The following LAMA2 variants were observed in gnomAD, a reference collection of about 807,000 sequenced individuals.
LAMA2 encodes laminin subunit alpha-2.
Under a neutral mutation model 364.8 loss-of-function variants are expected in LAMA2, and 269 were observed. The ratio of observed to expected loss-of-function variants is 0.74; its 90% CI spans 0.67 to 0.82. The LOEUF (loss-of-function observed/expected upper bound fraction) is 0.82. Among genes scored for constraint, LAMA2 ranks in the 40% least tolerant of loss-of-function variants. The pLI is 0.00. For synonymous variants in LAMA2, 1,379 were observed against 1,370.6 expected, an observed-to-expected ratio of 1.01 and a Z score of -0.14; for missense variants, 3,807 against 3,873.2, an observed-to-expected ratio of 0.98 and a Z score of 0.45.
At chr6:129,314,936 A>G (rs1774484617) in intron 24 of LAMA2, 138 bp downstream of exon 24, 2 of 843,212 alleles carry the variant, frequency 2.4e-6, no homozygotes, top group Non-Finnish European at 4.0e-6. Flanking sequence ...AGGAACAGCA[A>G]AGGGGTCACG....
At chr6:128,909,259 G>T (rs1282677592) in intron 1 of LAMA2, among the ~76,000 whole-genome samples, 5 of 152,098 alleles carry the variant, frequency 3.3e-5, no homozygotes, top group Non-Finnish European at 5.9e-5. Flanking sequence ...CATTATTAAT[G>T]TGTGGGAGTC....
chr6:129,091,362 T>C (rs924347927), intron 3 of LAMA2, among the ~76,000 whole-genome samples: 5 of 152,190 alleles, frequency 3.3e-5, no homozygotes, highest in African/African-American at 9.7e-5. Flanking sequence ...AATTCTGAGG[T>C]GGTGGAATAA....
intron 9 of LAMA2, among the ~76,000 whole-genome samples, chr6:129,172,926 C>A (rs1194987909): frequency 1.3e-5 from 2 of 152,188 alleles, no homozygotes; most frequent in East Asian, 1.9e-4. Context: ...GTGGGAGTGA[C>A]CCGATTTTCC....
Position 129,119,135 on chromosome 6 carries a change from A to G in LAMA2, c.639+20720A>G, listed in dbSNP as rs1206413245. On this transcript the variant is annotated intron_variant, in intron 4 of 64. Transcript: ENST00000421865. ...CTCCTAGATTTCATTTTTTATGCAT[A>G]AGTGAAGACATATCAATAAAATGTG... Among the ~76,000 whole-genome samples, 3 of 152,212 alleles carry G rather than the reference A, an allele frequency of 2.0e-5. No individual in the cohort carries two copies. In the East Asian group the frequency reaches 5.8e-4, roughly 29 times the overall value.
At chr6:129,256,218 T>C (rs1201449451) in intron 14 of LAMA2, among the ~76,000 whole-genome samples, 2 of 152,222 alleles carry the variant, frequency 1.3e-5, no homozygotes, top group African/African-American at 4.8e-5. Context: ...GAATCTATGC[T>C]GCACCCTTTG....
chr6:129,045,783 A>G (rs1303228361), intron 1 of LAMA2, among the ~76,000 whole-genome samples: 1 of 152,184 alleles, frequency 6.6e-6, no homozygotes, highest in Non-Finnish European at 1.5e-5. Context: ...TCCTCCCATG[A>G]TTGCTGAGGC....
At chr6:129,365,323 A>G (rs1777700658) in intron 32 of LAMA2, among the ~76,000 whole-genome samples, 1 of 152,190 alleles carries the variant, frequency 6.6e-6, no homozygotes, top group Admixed American at 6.5e-5. Flanking sequence ...TATTATCATA[A>G]GAAAACACTA....
At chr6:129,482,799 G>A (rs188429776) in intron 55 of LAMA2, among the ~76,000 whole-genome samples, 21 of 152,224 alleles carry the variant, frequency 1.4e-4, no homozygotes, top group Non-Finnish European at 2.8e-4. Flanking sequence ...AGTGGCTCAC[G>A]CCTGTAATCC....
At chr6:129,278,030 C>A (rs1165940484) in intron 17 of LAMA2, among the ~76,000 whole-genome samples, 2 of 151,922 alleles carry the variant, frequency 1.3e-5, no homozygotes, top group African/African-American at 2.4e-5. Flanking sequence ...GGTGAGACCC[C>A]ATTTCTACTA....
intron 12 of LAMA2, among the ~76,000 whole-genome samples, chr6:129,247,476 T>G (rs1404559999): frequency 6.6e-6 from 1 of 152,140 alleles, no homozygotes; most frequent in African/African-American, 2.4e-5. Flanking sequence ...ACAGAATTAC[T>G]TAAGTAAGTA....
intron 63 of LAMA2, among the ~76,000 whole-genome samples, chr6:129,513,382 T>C (rs1018703006): frequency 2.0e-4 from 30 of 152,180 alleles, no homozygotes; most frequent in Admixed American, 1.8e-3. Flanking sequence ...ATACTTTTAC[T>C]ACATCTTTTT....
intron 3 of LAMA2, among the ~76,000 whole-genome samples, chr6:129,066,036 AG>A: frequency 2.3e-4 from 5 of 21,788 alleles, no homozygotes; most frequent in African/African-American, 5.4e-4. Flanking sequence ...GCCCAGTCTC[AG>A]GTTTTTTTTT....
intron 21 of LAMA2, among the ~76,000 whole-genome samples, chr6:129,298,929 A>G (rs1229534325): frequency 6.6e-6 from 1 of 152,196 alleles, no homozygotes; most frequent in Non-Finnish European, 1.5e-5. Flanking sequence ...TAACTTAAAA[A>G]TTATAAAGCT....
Position 129,289,911 on chromosome 6 carries a change from T to G in LAMA2, c.2750-1703T>G, listed in dbSNP as rs374296174. ...CATTTATTACTTATTTTTATAATTT[T>G]TCATGGATACAATATCACTTCTATG... On this transcript the variant is annotated intron_variant, in intron 19 of 64. Coordinates refer to ENST00000421865, the MANE Select transcript of LAMA2 (RefSeq NM_000426.4). Among the ~76,000 whole-genome samples the G allele has an allele frequency of 5.0e-4, 76 of 152,266 alleles. 1 individual carries two copies. The South Asian group carries it at 0.015, about 29-fold the overall frequency.
chr6:129,297,865 GGTCTGTAAATATGACTTAA>G lies in LAMA2; in HGVS notation c.3037+4_3037+22del. 6.2e-7 allele frequency: 1 copy of G among 1,613,106 alleles called. No individual in the cohort carries two copies. Among genetic ancestry groups the G allele is most frequent in the Non-Finnish European group, 8.5e-7 (1 of 1,179,470 alleles). On this transcript the variant is annotated splice_donor_variant and splice_donor_5th_base_variant and intron_variant, in intron 21 of 64. Transcript: ENST00000421865. LOFTEE classifies it high-confidence loss of function. ...CAACTTCCAAGAAGGAGGCTGCACA[GGTCTGTAAATATGACTTAA>G]GTCCTACATATTCACTCTGATAGTT... is the stretch of plus-strand genomic sequence containing the variant.
At chr6:129,313,516 T>C (rs1175543667) in intron 23 of LAMA2, among the ~76,000 whole-genome samples, 1 of 152,212 alleles carries the variant, frequency 6.6e-6, no homozygotes, top group African/African-American at 2.4e-5. Context: ...AATCGCTGTA[T>C]ACTAGAAAAT....
At chr6:129,427,892 T>A (rs1781403214) in intron 41 of LAMA2, 38 bp downstream of exon 41, 2 of 1,269,146 alleles carry the variant, frequency 1.6e-6, no homozygotes, top group Non-Finnish European at 2.3e-6. Flanking sequence ...TTCCAGTTAA[T>A]CGGGTTGTTA....
In LAMA2 at chr6:129,514,442, T is replaced by C. The variant is rs766077925; in HGVS notation, c.9058T>C (p.Leu3020=). The C allele has an allele frequency of 9.9e-6, 16 of 1,614,034 alleles. No individual in the cohort carries two copies. In the East Asian group the frequency reaches 3.3e-4, roughly 34 times the overall value. ...CTATGATGCTGGGGTTCCAGGGCAT[T>C]TGTGTGATGGACAATGGCATAAAGT... The part of the protein sequence containing the change: ...AVYDAGVPGH[L]CDGQWHKVTA... Residue 3020 remains leucine, a synonymous_variant, in exon 64 of 65, where the codon TTG becomes CTG. Coordinates refer to ENST00000421865, the MANE Select transcript of LAMA2 (RefSeq NM_000426.4).
intron 4 of LAMA2, among the ~76,000 whole-genome samples, chr6:129,140,553 A>G (rs967489088): frequency 1.3e-5 from 2 of 152,096 alleles, no homozygotes; most frequent in African/African-American, 4.8e-5. Flanking sequence ...AGGTCCTCAC[A>G]GCAAGACAGT....
Sources: gnomAD v4.1 joint callset for allele counts (sites outside exome capture counted in the v4.1 genomes callset) on GRCh38, gnomAD v4.1.1 for gene constraint, MANE v1.5 for transcripts, NCBI Gene and HGNC (gene_info 2026-07-23, HGNC 2026-07-21) for gene names.